RNF182: variants seen among roughly 807,000 people sequenced by gnomAD.
RNF182 encodes the protein E3 ubiquitin-protein ligase RNF182.
RNF182 carries 15 observed loss-of-function variants against 14.4 expected under a neutral mutation model. That is an observed-to-expected ratio of 1.04 (90% CI 0.70 to 1.60). The LOEUF is 1.60. RNF182 is among the 40% of genes most tolerant of loss of function. The probability of loss-of-function intolerance (pLI) is 0.00; values close to 1 mark genes in which losing one functional copy is unlikely to be tolerated. For missense variants in RNF182, 268 were observed against 294.8 expected (o/e 0.91, Z 0.67); for synonymous variants, 128 against 122.9 (o/e 1.04, Z -0.27).
intron 1 of RNF182, among the ~76,000 whole-genome samples, chr6:13,973,667 C>T (rs1480052605): frequency 6.6e-6 from 1 of 152,216 alleles, no homozygotes; most frequent in Non-Finnish European, 1.5e-5. Flanking sequence ...TCCTCCTTCA[C>T]CTTCTGCCAT....
At chr6:13,970,467 A>G (rs575418499) in intron 1 of RNF182, among the ~76,000 whole-genome samples, 3 of 152,208 alleles carry the variant, frequency 2.0e-5, no homozygotes, top group East Asian at 3.9e-4. Flanking sequence ...AGTAGTTCAC[A>G]TTTTTTTATC....
intron 1 of RNF182, among the ~76,000 whole-genome samples, chr6:13,938,598 A>T (rs1759203906): frequency 6.6e-6 from 1 of 152,158 alleles, no homozygotes; most frequent in African/African-American, 2.4e-5. Context: ...TTAGATCTAT[A>T]ACCCCTTTGA....
At position 13,976,373 on chromosome 6, in the gene RNF182, A is replaced by G. The variant is rs183518879; in HGVS notation, c.-211-536A>G. On this transcript the variant is annotated intron_variant, in intron 2 of 2. Transcript: ENST00000488300. ...ATATAACAGATTTCTTTACACTGAG[A>G]AGGTAAGAACAGTCTGCTCTACTTA... 6.5e-3 allele frequency among the ~76,000 whole-genome samples: 997 copies of G among 152,342 alleles called. 4 individuals carry two copies. The highest frequency in any genetic ancestry group is 0.02 in the Middle Eastern group (6 of 294).
intron 1 of RNF182, among the ~76,000 whole-genome samples, chr6:13,955,029 G>C (rs1759692374): frequency 6.6e-6 from 1 of 152,124 alleles, no homozygotes. Flanking sequence ...CTCCTTATCT[G>C]TTTTTTGCTT....
chr6:13,952,767 G>A (rs745954442), intron 1 of RNF182, among the ~76,000 whole-genome samples: 9 of 152,144 alleles, frequency 5.9e-5, no homozygotes, highest in Non-Finnish European at 1.2e-4. Context: ...CATGAAGAAA[G>A]TAAGGGAATA....
intron 2 of RNF182, among the ~76,000 whole-genome samples, chr6:13,976,235 G>A (rs1032319498): frequency 1.3e-5 from 2 of 152,062 alleles, no homozygotes; most frequent in Admixed American, 6.6e-5. Flanking sequence ...GCTTATATCG[G>A]GTGTTATATG....
chr6:13,925,528 G>A (rs1243799912), intron 1 of RNF182, among the ~76,000 whole-genome samples: 1 of 152,180 alleles, frequency 6.6e-6, no homozygotes, highest in Non-Finnish European at 1.5e-5. Context: ...GGCTTCTGAA[G>A]TTCGTTTGGA....
At chr6:13,964,651 G>C (rs1399810968) in intron 1 of RNF182, among the ~76,000 whole-genome samples, 1 of 152,142 alleles carries the variant, frequency 6.6e-6, no homozygotes, top group Non-Finnish European at 1.5e-5. Flanking sequence ...GCAGATGGGG[G>C]ATTCCTTCCT....
At chr6:13,938,148 C>T (rs1404131626) in intron 1 of RNF182, among the ~76,000 whole-genome samples, 3 of 149,134 alleles carry the variant, frequency 2.0e-5, no homozygotes, top group Non-Finnish European at 4.5e-5. Flanking sequence ...TACAGGCGCC[C>T]GCCACCATGC....
In RNF182 at chr6:13,940,321, A is replaced by G. The variant is rs139342466; in HGVS notation, c.-367+15298A>G. Among the ~76,000 whole-genome samples, 25 of 152,352 alleles carry G rather than the reference A, an allele frequency of 1.6e-4. 1 individual carries two copies. The East Asian group carries it at 3.9e-3, about 23-fold the overall frequency. On this transcript the variant is annotated intron_variant, in intron 1 of 2. Coordinates refer to ENST00000488300, the MANE Select transcript of RNF182 (RefSeq NM_152737.4). ...GGTAATCACATTTTAAAAAAATGTT[A>G]GAACAGTTTTGCATTTCTATAATAA...
chr6:13,925,981 T>C (rs148187541), intron 1 of RNF182, among the ~76,000 whole-genome samples: 1 of 152,170 alleles, frequency 6.6e-6, no homozygotes, highest in East Asian at 1.9e-4. Context: ...TTTTTTTTGG[T>C]ACTTAGACAT....
chr6:13,963,984 T>C (rs1328698718), intron 1 of RNF182, among the ~76,000 whole-genome samples: 2 of 150,562 alleles, frequency 1.3e-5, no homozygotes, highest in East Asian at 3.9e-4. Flanking sequence ...AAGGGTAATA[T>C]CATGAAAAAG....
rs912521896 is a variant in RNF182, at chr6:13,978,175, T to C, written c.*312T>C. 1.9e-5 allele frequency: 5 copies of C among 258,204 alleles called. No individual in the cohort carries two copies. Among genetic ancestry groups the C allele is most frequent in the South Asian group, 8.3e-5 (1 of 12,012 alleles). The allele number at this position is 258,204 out of a possible 1,614,324, so 16.0% of individuals were successfully genotyped here. The stretch of plus-strand genomic sequence containing the variant: ...GGCAGGGGTGTGGTGTGTTATACTA[T>C]AGGGAGAGCATGGATCCCTCCTTTC... On this transcript the variant is annotated 3_prime_UTR_variant, in exon 3 of 3. Coordinates refer to ENST00000488300, the MANE Select transcript of RNF182 (RefSeq NM_152737.4).
chr6:13,929,547 G>A (rs902403638), intron 1 of RNF182, among the ~76,000 whole-genome samples: 3 of 152,122 alleles, frequency 2.0e-5, no homozygotes, highest in Admixed American at 1.3e-4. Flanking sequence ...TTGACTTCCA[G>A]CTCTTCTCTG....
intron 1 of RNF182, among the ~76,000 whole-genome samples, chr6:13,951,985 T>A (rs1759604742): frequency 6.6e-6 from 1 of 152,194 alleles, no homozygotes; most frequent in Non-Finnish European, 1.5e-5. Flanking sequence ...CTGCCTGTCA[T>A]CTTTGATCCA....
chr6:13,949,423 T>C, intron 1 of RNF182: 1 of 732,134 alleles, frequency 1.4e-6, no homozygotes, highest in South Asian at 1.5e-5. Flanking sequence ...CTGTGAAAGC[T>C]GTCATCTATA....
chr6:13,949,942 C>T (rs557395882), intron 1 of RNF182, among the ~76,000 whole-genome samples: 4 of 152,300 alleles, frequency 2.6e-5, no homozygotes, highest in Admixed American at 2.0e-4. Context: ...TTTGTTCACA[C>T]ACAGAATTTC....
chr6:13,974,183 T>C (rs1475282378), intron 1 of RNF182, 27 bp from the exon 2 acceptor site: 8 of 152,034 alleles, frequency 5.3e-5, no homozygotes, highest in Admixed American at 4.6e-4. Flanking sequence ...AGAGGAACAA[T>C]CACCATGCTC....
rs573029463 is a variant in RNF182 at position 13,943,055 on chromosome 6, A to G, written c.-367+18032A>G. The stretch of plus-strand genomic sequence containing the variant: ...ATTCTTATTTGGTAGATTAGTAGAT[A>G]CAAACAGCCCTGATAGAGCTATAGT... On this transcript the variant is annotated intron_variant, in intron 1 of 2. Transcript: ENST00000488300. Among the ~76,000 whole-genome samples the G allele has an allele frequency of 1.1e-4, 17 of 152,238 alleles. No individual in the cohort carries two copies. In the South Asian group the frequency reaches 1.2e-3, roughly 11 times the overall value.
Sources: allele counts gnomAD v4.1 joint callset (sites outside exome capture counted in the v4.1 genomes callset), GRCh38; gene constraint gnomAD v4.1.1; transcripts MANE v1.5; gene names NCBI Gene and HGNC (gene_info 2026-07-23, HGNC 2026-07-21).